DPP10: variants seen among roughly 807,000 people sequenced by gnomAD.
DPP10 encodes the protein inactive dipeptidyl peptidase 10.
In DPP10, 33 loss-of-function variants were observed where a neutral mutation model predicts 120.9. That is an observed-to-expected ratio of 0.27 (90% CI 0.21 to 0.37). The LOEUF (loss-of-function observed/expected upper bound fraction) is 0.37, where lower values mean the gene tolerates loss of function less well. Among genes scored for constraint, DPP10 ranks in the 10% least tolerant of loss-of-function variants. The pLI, the probability that DPP10 is intolerant of heterozygous loss-of-function variation, is 1.00. For missense variants in DPP10, 816 were observed against 942.8 expected, an observed-to-expected ratio of 0.87 and a Z score of 1.76; for synonymous variants, 337 against 326.1, an observed-to-expected ratio of 1.03 and a Z score of -0.36.
At chr2:115,427,807 T>A (rs537572399) in intron 3 of DPP10, among the ~76,000 whole-genome samples, 3 of 152,346 alleles carry the variant, frequency 2.0e-5, no homozygotes, top group Admixed American at 6.5e-5. Flanking sequence ...AATGGGCTTT[T>A]TGTTTCTACC....
intron 1 of DPP10, among the ~76,000 whole-genome samples, chr2:115,301,963 A>G (rs1335293269): frequency 6.6e-6 from 1 of 152,036 alleles, no homozygotes; most frequent in Non-Finnish European, 1.5e-5. Flanking sequence ...ATAAATAACT[A>G]TCTGACACTA....
chr2:114,497,736 T>G (rs1361775813), intron 1 of DPP10, among the ~76,000 whole-genome samples: 1 of 152,190 alleles, frequency 6.6e-6, no homozygotes, highest in African/African-American at 2.4e-5. Flanking sequence ...CGGATAGGAT[T>G]CTGGCCAAGG....
chr2:115,438,237 A>T (rs1360132478), intron 3 of DPP10, among the ~76,000 whole-genome samples: 2 of 152,160 alleles, frequency 1.3e-5, no homozygotes, highest in Non-Finnish European at 2.9e-5. Context: ...TGCAACAACA[A>T]CAAAAATAAC....
intron 17 of DPP10, among the ~76,000 whole-genome samples, chr2:115,785,678 A>G (rs1434628364): frequency 6.6e-6 from 1 of 152,030 alleles, no homozygotes; most frequent in African/African-American, 2.4e-5. Context: ...GGTCAGTGGT[A>G]ATGTCCCCTT....
intron 8 of DPP10, among the ~76,000 whole-genome samples, chr2:115,738,688 A>G (rs946554354): frequency 3.3e-5 from 5 of 152,124 alleles, no homozygotes; most frequent in African/African-American, 1.2e-4. Flanking sequence ...CTATGCTCCA[A>G]TTCCCACTTG....
chr2:115,335,956 A>T, intron 2 of DPP10, among the ~76,000 whole-genome samples: 2 of 152,216 alleles, frequency 1.3e-5, no homozygotes, highest in Middle Eastern at 3.4e-3. Context: ...TAACTACTTG[A>T]TTAGATTTTT....
chr2:114,675,488 A>G (rs1290446939), intron 1 of DPP10, among the ~76,000 whole-genome samples: 5 of 152,134 alleles, frequency 3.3e-5, no homozygotes, highest in Admixed American at 6.6e-5. Context: ...AAGGCCATCT[A>G]TGTGCTCTGC....
chr2:114,750,336 A>T (rs1679082917), intron 1 of DPP10, among the ~76,000 whole-genome samples: 1 of 150,410 alleles, frequency 6.6e-6, no homozygotes, highest in South Asian at 2.1e-4. Context: ...AGACATCAAT[A>T]TATTTTTTTT....
At chr2:115,198,063 T>G (rs2055416726) in intron 1 of DPP10, among the ~76,000 whole-genome samples, 1 of 152,214 alleles carries the variant, frequency 6.6e-6, no homozygotes, top group Admixed American at 6.5e-5. Flanking sequence ...CTTTCTCTAT[T>G]TCTTATTCAC....
chr2:114,653,004 GAGAGAA>G (rs1251408520), intron 1 of DPP10, among the ~76,000 whole-genome samples: 1 of 142,458 alleles, frequency 7.0e-6, no homozygotes, highest in Non-Finnish European at 1.5e-5. Flanking sequence ...GAGAGAGAGA[GAGAGAA>G]AGAGAGAGAG....
chr2:115,777,930 T>G (rs1172130467), intron 15 of DPP10, 96 bp downstream of exon 15: 11 of 1,326,400 alleles, frequency 8.3e-6, no homozygotes, highest in African/African-American at 1.5e-5. Context: ...AATGTCTTTT[T>G]CAACATGGCT....
intron 1 of DPP10, among the ~76,000 whole-genome samples, chr2:114,851,241 A>G (rs1688925557): frequency 6.6e-6 from 1 of 152,298 alleles, no homozygotes; most frequent in African/African-American, 2.4e-5. Context: ...TTAGCAAATT[A>G]TTACCCTGAT....
At chr2:114,913,739 T>A (rs1213781593) in intron 1 of DPP10, among the ~76,000 whole-genome samples, 2 of 152,118 alleles carry the variant, frequency 1.3e-5, no homozygotes, top group Non-Finnish European at 2.9e-5. Context: ...ATTACAGACA[T>A]AGGATTCAGA....
At chr2:115,712,661 T>G (rs1005060339) in intron 7 of DPP10, among the ~76,000 whole-genome samples, 1 of 147,856 alleles carries the variant, frequency 6.8e-6, no homozygotes, top group Non-Finnish European at 1.5e-5. Context: ...AATCATATAG[T>G]AAATATATTT....
chr2:115,359,354 C>G (rs1239373376), intron 3 of DPP10, among the ~76,000 whole-genome samples: 1 of 152,110 alleles, frequency 6.6e-6, no homozygotes, highest in Non-Finnish European at 1.5e-5. Flanking sequence ...GTTTACTTCT[C>G]TGGAAAGGAT....
chr2:114,919,175 A>G (rs1156918325), intron 1 of DPP10, among the ~76,000 whole-genome samples: 1 of 152,152 alleles, frequency 6.6e-6, no homozygotes, highest in Non-Finnish European at 1.5e-5. Flanking sequence ...AAACAATAAA[A>G]TTCTGTTTTG....
At position 114,466,469 on chromosome 2, in the gene DPP10, CTGCT is replaced by C. The variant is rs536185244; in HGVS notation, c.60+23637_60+23640del. On this transcript the variant is annotated intron_variant, in intron 1 of 25. Transcript: ENST00000410059. Reference sequence around the variant, plus strand: ...TGTGAGCACTGGCCCTGGCACCAGACTGCTTGCTTTGAATCTCGACTCTGTTTCC... The same window carrying C: ...TGTGAGCACTGGCCCTGGCACCAGACTGCTTTGAATCTCGACTCTGTTTCC... 2.0e-5 allele frequency among the ~76,000 whole-genome samples: 3 copies of C among 152,308 alleles called. No individual in the cohort carries two copies. In the South Asian group the frequency reaches 6.2e-4, roughly 32 times the overall value.
intron 1 of DPP10, among the ~76,000 whole-genome samples, chr2:115,183,011 GCACACACA>G (rs34612528): frequency 1.3e-5 from 2 of 150,292 alleles, no homozygotes; most frequent in Non-Finnish European, 3.0e-5. Flanking sequence ...ATATTTACAC[GCACACACA>G]CACACACACA....
rs1358020620 is a variant in DPP10, at chr2:114,634,649, C to A, written c.60+191811C>A. On this transcript the variant is annotated intron_variant, in intron 1 of 25. Coordinates refer to ENST00000410059, the MANE Select transcript of DPP10 (RefSeq NM_020868.6). ...ACTTCTCTGAGGTTTATTTTACCCA[C>A]TTATGAATTAGGGATAATAATGTTT... Among the ~76,000 whole-genome samples, 3 of 151,882 alleles carry A rather than the reference C, an allele frequency of 2.0e-5. No homozygotes were observed. In the East Asian group the frequency reaches 5.8e-4, roughly 29 times the overall value.
Sources: allele counts gnomAD v4.1 joint callset (sites outside exome capture counted in the v4.1 genomes callset), GRCh38; gene constraint gnomAD v4.1.1; transcripts MANE v1.5; gene names NCBI Gene and HGNC (gene_info 2026-07-23, HGNC 2026-07-21).